Variants in BTBD9 observed in about 807,000 individuals in gnomAD.
The protein encoded by BTBD9 is BTB/POZ domain-containing protein 9.
Under a neutral mutation model 64.3 loss-of-function variants are expected in BTBD9, and 49 were observed. The observed-to-expected ratio is 0.76, with a 90% confidence interval of 0.61 to 0.97. The LOEUF (loss-of-function observed/expected upper bound fraction) is 0.97, where lower values mean the gene tolerates loss of function less well. BTBD9 is among the 50% of genes least tolerant of loss of function. BTBD9 has a pLI of 0.00. For missense variants in BTBD9, 598 were observed against 762.1 expected (o/e 0.78, Z 2.53); for synonymous variants, 260 against 274.7 (o/e 0.95, Z 0.53).
At chr6:38,560,816 A>C (rs1562340818) in intron 6 of BTBD9, among the ~76,000 whole-genome samples, 3 of 152,094 alleles carry the variant, frequency 2.0e-5, no homozygotes, top group Admixed American at 1.3e-4. Context: ...CCCACTTACA[A>C]GTGAGAACAT....
chr6:38,487,660 G>A (rs1413693692), intron 6 of BTBD9, among the ~76,000 whole-genome samples: 1 of 146,542 alleles, frequency 6.8e-6, no homozygotes, highest in Non-Finnish European at 1.5e-5. Context: ...AGGAAAGGAG[G>A]AAAAGAGAAG....
chr6:38,247,861 A>G (rs1229210123), intron 9 of BTBD9, among the ~76,000 whole-genome samples: 2 of 152,116 alleles, frequency 1.3e-5, no homozygotes, highest in African/African-American at 4.8e-5. Context: ...AAACCATGCC[A>G]CTCTGCCAGC....
At position 38,171,846 on chromosome 6, in the gene BTBD9, C is replaced by CAAAAAAAAAAAAAAAAAAAAAA. The variant is rs869155666; in HGVS notation, c.*3117_*3138dup. The CAAAAAAAAAAAAAAAAAAAAAA allele has an allele frequency of 1.4e-4, 11 of 79,210 alleles. No homozygotes were observed. Among genetic ancestry groups the CAAAAAAAAAAAAAAAAAAAAAA allele is most frequent in the Non-Finnish European group, 2.0e-4 (9 of 45,698 alleles). The allele number at this position is 79,210 out of a possible 1,614,324, so 4.9% of individuals were successfully genotyped here. On this transcript the variant is annotated 3_prime_UTR_variant, in exon 11 of 11. Transcript: ENST00000481247. The stretch of plus-strand genomic sequence containing the variant: ...TCCAATGAAGTTGCCTTTCTACTCT[C>CAAAAAAAAAAAAAAAAAAAAAA]AAAAAAAAAAAAAAAAAAAAAAAAA...
At chr6:38,440,798 A>G (rs978871480) in intron 6 of BTBD9, among the ~76,000 whole-genome samples, 3 of 152,206 alleles carry the variant, frequency 2.0e-5, no homozygotes, top group African/African-American at 7.2e-5. Context: ...ATTTATGTAT[A>G]TTTTATAAAA....
At chr6:38,217,323 A>G (rs1763043094) in intron 9 of BTBD9, among the ~76,000 whole-genome samples, 1 of 134,662 alleles carries the variant, frequency 7.4e-6, no homozygotes, top group African/African-American at 2.5e-5. Context: ...CATCTCAAAA[A>G]AAAAAAAAAA....
At chr6:38,501,295 G>A (rs1293912350) in intron 6 of BTBD9, among the ~76,000 whole-genome samples, 1 of 152,048 alleles carries the variant, frequency 6.6e-6, no homozygotes, top group African/African-American at 2.4e-5. Context: ...ATGCTCATTG[G>A]AGCATTTCAG....
chr6:38,371,513 C>A (rs967763727), intron 6 of BTBD9, among the ~76,000 whole-genome samples: 1 of 152,114 alleles, frequency 6.6e-6, no homozygotes, highest in East Asian at 1.9e-4. Flanking sequence ...GTGGTGTTTG[C>A]GAGACACAGC....
chr6:38,323,845 T>C lies in BTBD9; in HGVS notation c.1264+21139A>G, dbSNP rs538343437. 1.2e-3 allele frequency among the ~76,000 whole-genome samples: 180 copies of C among 144,660 alleles called. 1 individual carries two copies. Among genetic ancestry groups the C allele is most frequent in the African/African-American group, 4.1e-3 (169 of 41,026 alleles). The allele number at this position is 144,660 out of a possible 152,430, so 94.9% of individuals were successfully genotyped here. ...CAGGTGTGGTGGCTCACACCTGTAA[T>C]TCCAGCACTTTAGGAGGCCAAGGTG... is the stretch of plus-strand genomic sequence containing the variant. On this transcript the variant is annotated intron_variant, in intron 7 of 10. Coordinates refer to ENST00000481247, the MANE Select transcript of BTBD9 (RefSeq NM_001099272.2).
At chr6:38,360,944 A>G (rs1376322583) in intron 6 of BTBD9, among the ~76,000 whole-genome samples, 1 of 152,182 alleles carries the variant, frequency 6.6e-6, no homozygotes, top group Non-Finnish European at 1.5e-5. Flanking sequence ...CAAAGAGATG[A>G]AGGTTGCTGC....
At chr6:38,350,299 T>C (rs1055812481) in intron 6 of BTBD9, among the ~76,000 whole-genome samples, 1 of 152,182 alleles carries the variant, frequency 6.6e-6, no homozygotes, top group African/African-American at 2.4e-5. Context: ...CTTATGAGGA[T>C]GCTACTAGAT....
intron 6 of BTBD9, among the ~76,000 whole-genome samples, chr6:38,559,138 A>G (rs1344747106): frequency 6.6e-6 from 1 of 152,166 alleles, no homozygotes; most frequent in African/African-American, 2.4e-5. Context: ...ACCTTATTCA[A>G]TCTTAGGAAG....
At position 38,266,067 on chromosome 6, in the gene BTBD9, G is replaced by GA. The variant is rs540875615; in HGVS notation, c.1455-9552dup. Among the ~76,000 whole-genome samples the GA allele has an allele frequency of 1.3e-3, 194 of 151,606 alleles. 3 individuals are homozygous for GA. Among genetic ancestry groups the GA allele is most frequent in the South Asian group, 8.6e-3 (41 of 4,780 alleles). ...GTTTTTGCATACATTATCACATTTGGAAAAAAAACAATTTATAATCAGCAC... is the reference window on the plus strand; with the variant it reads ...GTTTTTGCATACATTATCACATTTGGAAAAAAAAACAATTTATAATCAGCAC... On this transcript the variant is annotated intron_variant, in intron 8 of 10. Transcript: ENST00000481247.
intron 6 of BTBD9, among the ~76,000 whole-genome samples, chr6:38,523,955 T>C (rs1041997059): frequency 6.6e-6 from 1 of 152,180 alleles, no homozygotes; most frequent in Non-Finnish European, 1.5e-5. Flanking sequence ...GTGGAATCCT[T>C]TGGTATTTCT....
At chr6:38,474,568 G>GAA (rs146797829) in intron 6 of BTBD9, among the ~76,000 whole-genome samples, 13,224 of 151,886 alleles carry the variant, frequency 0.087, 1,004 homozygotes, top group East Asian at 0.34. Flanking sequence ...GAAGAGAAGA[G>GAA]AAAAGAAAAA....
At chr6:38,347,200 G>A (rs541972246) in intron 6 of BTBD9, among the ~76,000 whole-genome samples, 37 of 152,042 alleles carry the variant, frequency 2.4e-4, no homozygotes, top group African/African-American at 8.5e-4. Context: ...CCTTTGCCCC[G>A]CAGTTATAAG....
chr6:38,405,073 A>G (rs751160929), intron 6 of BTBD9, among the ~76,000 whole-genome samples: 26 of 152,202 alleles, frequency 1.7e-4, no homozygotes, highest in Non-Finnish European at 2.6e-4. Context: ...TAACAATGTA[A>G]GAGTTTCAGG....
intron 6 of BTBD9, among the ~76,000 whole-genome samples, chr6:38,380,556 GA>G (rs1765884992): frequency 6.6e-6 from 1 of 152,212 alleles, no homozygotes; most frequent in African/African-American, 2.4e-5. Context: ...TAGGCTGGGT[GA>G]GGTGGCTCAT....
In BTBD9 at chr6:38,490,471, C is replaced by A. The variant is rs180787995; in HGVS notation, c.1154+87129G>T. On this transcript the variant is annotated intron_variant, in intron 6 of 10. Transcript: ENST00000481247. ...GAGTAGCTGGGATTACAGGTGTGCA[C>A]CACCAGGCCTGGCTAATTTTTGTAT... Among the ~76,000 whole-genome samples the A allele has an allele frequency of 1.3e-4, 20 of 152,122 alleles. No individual in the cohort carries two copies. The East Asian group carries it at 3.9e-3, about 29-fold the overall frequency.
At chr6:38,542,317 T>C (rs34177883) in intron 6 of BTBD9, among the ~76,000 whole-genome samples, 10 of 152,170 alleles carry the variant, frequency 6.6e-5, no homozygotes, top group African/African-American at 2.4e-4. Flanking sequence ...TTTTTCCTGG[T>C]TTCTGTATCT....
Sources: gnomAD v4.1 joint callset for allele counts (sites outside exome capture counted in the v4.1 genomes callset) on GRCh38, gnomAD v4.1.1 for gene constraint, MANE v1.5 for transcripts, NCBI Gene and HGNC (gene_info 2026-07-23, HGNC 2026-07-21) for gene names.